Variants in ZFPM2 observed in about 807,000 individuals in gnomAD.
ZFPM2 encodes the protein zinc finger protein ZFPM2.
In ZFPM2, 20 loss-of-function variants were observed where a neutral mutation model predicts 98.6. The ratio of observed to expected loss-of-function variants is 0.20; its 90% CI spans 0.14 to 0.29. The LOEUF is 0.29. ZFPM2 is among the 10% of genes least tolerant of loss of function. The pLI is 1.00. For synonymous variants in ZFPM2, 518 were observed against 502.7 expected, an observed-to-expected ratio of 1.03 and a Z score of -0.41; for missense variants, 1,310 against 1,388.6, an observed-to-expected ratio of 0.94 and a Z score of 0.90.
chr8:105,495,008 A>G (rs1050835800), intron 3 of ZFPM2, among the ~76,000 whole-genome samples: 3 of 152,216 alleles, frequency 2.0e-5, no homozygotes, highest in Non-Finnish European at 4.4e-5. Context: ...CTACTGTTTT[A>G]AAAACTATTT....
At chr8:105,389,013 CGT>C (rs142145699) in intron 1 of ZFPM2, among the ~76,000 whole-genome samples, 10,407 of 134,606 alleles carry the variant, frequency 0.077, 410 homozygotes, top group East Asian at 0.14. Context: ...AATTTGATGA[CGT>C]GTGTGTGTGT....
At chr8:105,586,355 T>TTTC (rs10704683) in intron 4 of ZFPM2, among the ~76,000 whole-genome samples, 46,458 of 151,770 alleles carry the variant, frequency 0.31, 7,371 homozygotes, top group South Asian at 0.4. Flanking sequence ...GCTTTCTTTT[T>TTTC]TATCGCTTTC....
chr8:105,405,631 A>C (rs1401202887), intron 1 of ZFPM2, among the ~76,000 whole-genome samples: 2 of 152,028 alleles, frequency 1.3e-5, no homozygotes, highest in African/African-American at 2.4e-5. Flanking sequence ...ATGGCTGCAT[A>C]GTATTCCATG....
chr8:105,441,454 G>GAGAGAGAGAGAGAGAAAGAAAGA (rs1812240131), intron 2 of ZFPM2, among the ~76,000 whole-genome samples: 1 of 54,328 alleles, frequency 1.8e-5, no homozygotes, highest in African/African-American at 1.1e-4. Flanking sequence ...GAGAGAGAGA[G>GAGAGAGAGAGAGAGAAAGAAAGA]AAAGAAAGAA....
intron 3 of ZFPM2, among the ~76,000 whole-genome samples, chr8:105,555,437 A>G (rs747252105): frequency 2.6e-5 from 4 of 152,108 alleles, no homozygotes; most frequent in African/African-American, 7.2e-5. Context: ...GAGCAGACAC[A>G]TATTAAGACA....
At chr8:105,546,429 C>T (rs1240072881) in intron 3 of ZFPM2, among the ~76,000 whole-genome samples, 4 of 151,500 alleles carry the variant, frequency 2.6e-5, no homozygotes, top group Admixed American at 6.6e-5. Flanking sequence ...ATTAGACGGG[C>T]GTGGTGGTGC....
At chr8:105,651,087 G>T (rs3779771) in intron 5 of ZFPM2, among the ~76,000 whole-genome samples, 23,366 of 152,020 alleles carry the variant, frequency 0.15, 2,173 homozygotes, top group Middle Eastern at 0.27. Flanking sequence ...TGTGGGGCTT[G>T]ATCTAGTCAT....
At chr8:105,636,542 T>C (rs1816850786) in intron 5 of ZFPM2, among the ~76,000 whole-genome samples, 2 of 152,100 alleles carry the variant, frequency 1.3e-5, no homozygotes, top group Admixed American at 1.3e-4. Context: ...CAAAAAGGAG[T>C]AAGTAAAAAA....
At chr8:105,731,386 C>A (rs1487739214) in intron 5 of ZFPM2, among the ~76,000 whole-genome samples, 1 of 151,346 alleles carries the variant, frequency 6.6e-6, no homozygotes, top group Non-Finnish European at 1.5e-5. Context: ...TCTTGAAAAT[C>A]AACGAGAAGG....
chr8:105,359,326 C>T (rs1420684133), intron 1 of ZFPM2, among the ~76,000 whole-genome samples: 4 of 151,706 alleles, frequency 2.6e-5, no homozygotes, highest in Admixed American at 2.0e-4. Context: ...TGTAAATTAC[C>T]CACTCTCGGG....
intron 4 of ZFPM2, among the ~76,000 whole-genome samples, chr8:105,581,757 T>C (rs1474651288): frequency 6.6e-6 from 1 of 152,206 alleles, no homozygotes; most frequent in Non-Finnish European, 1.5e-5. Flanking sequence ...CCATACCTAA[T>C]GCCATAAACT....
chr8:105,561,218 A>G (rs1815127243), intron 3 of ZFPM2, 145 bp from the exon 4 acceptor site: 1 of 672,792 alleles, frequency 1.5e-6, no homozygotes, highest in African/African-American at 1.8e-5. Context: ...TCAGGTTAAG[A>G]TGAGTTGTTT....
At chr8:105,688,949 A>G (rs2130933756) in intron 5 of ZFPM2, among the ~76,000 whole-genome samples, 1 of 152,310 alleles carries the variant, frequency 6.6e-6, no homozygotes, top group Non-Finnish European at 1.5e-5. Flanking sequence ...GTGTTCAAAT[A>G]AATTGCCTAT....
At chr8:105,616,446 A>G (rs1029791138) in intron 4 of ZFPM2, among the ~76,000 whole-genome samples, 1 of 152,128 alleles carries the variant, frequency 6.6e-6, no homozygotes. Context: ...ATTTTTTTAC[A>G]CATTTATATT....
intron 2 of ZFPM2, among the ~76,000 whole-genome samples, chr8:105,440,324 T>C (rs1812210116): frequency 6.6e-6 from 1 of 152,224 alleles, no homozygotes; most frequent in Non-Finnish European, 1.5e-5. Context: ...AAAGTTTTTG[T>C]TTTTCATATA....
intron 2 of ZFPM2, among the ~76,000 whole-genome samples, chr8:105,436,209 C>G (rs1172175323): frequency 6.6e-6 from 1 of 152,016 alleles, no homozygotes; most frequent in Non-Finnish European, 1.5e-5. Flanking sequence ...AGATCAAATT[C>G]GTTAACCATT....
chr8:105,785,526 AG>A (rs1425024120), intron 5 of ZFPM2, among the ~76,000 whole-genome samples: 2 of 152,344 alleles, frequency 1.3e-5, no homozygotes, highest in South Asian at 4.1e-4. Context: ...GTCTAAAGTT[AG>A]GGAAATATTA....
intron 3 of ZFPM2, among the ~76,000 whole-genome samples, chr8:105,449,450 T>G (rs1002787330): frequency 6.6e-6 from 1 of 151,988 alleles, no homozygotes; most frequent in African/African-American, 2.4e-5. Context: ...ATGTTAAGCT[T>G]TGGGTCATTT....
chr8:105,325,531 T>C (rs1178384794), intron 1 of ZFPM2, among the ~76,000 whole-genome samples: 1 of 151,794 alleles, frequency 6.6e-6, no homozygotes, highest in Non-Finnish European at 1.5e-5. Context: ...ATCAGCAAAA[T>C]ATCAATATAG....
Sources: allele counts gnomAD v4.1 joint callset (sites outside exome capture counted in the v4.1 genomes callset), GRCh38; gene constraint gnomAD v4.1.1; transcripts MANE v1.5; gene names NCBI Gene and HGNC (gene_info 2026-07-23, HGNC 2026-07-21).